STAG2: variants seen among roughly 807,000 people sequenced by gnomAD.
STAG2 encodes the protein STAG2 cohesin complex component, also known as cohesin subunit SA-2.
STAG2 carries 14 observed loss-of-function variants against 108.1 expected under a neutral mutation model. That is an observed-to-expected ratio of 0.13 (90% CI 0.09 to 0.20). STAG2 has a LOEUF of 0.20. STAG2 is among the 10% of genes least tolerant of loss of function. The probability of loss-of-function intolerance (pLI) is 1.00; values close to 1 mark genes in which losing one functional copy is unlikely to be tolerated. For synonymous variants in STAG2, 307 were observed against 302.7 expected (o/e 1.01, Z -0.15); for missense variants, 440 against 940.9 (o/e 0.47, Z 6.96).
chrX:124,096,896 G>A (rs1365838823), intron 34 of STAG2, among the ~76,000 whole-genome samples: 1 of 112,211 alleles, frequency 8.9e-6, no homozygotes, highest in Non-Finnish European at 1.9e-5. Context: ...TAAGGCCAAG[G>A]GGCCGGGCTC....
At chrX:123,972,113 C>CT (rs1470281992) in intron 1 of STAG2, among the ~76,000 whole-genome samples, 4 of 109,163 alleles carry the variant, frequency 3.7e-5, no homozygotes, top group Admixed American at 2.0e-4. Flanking sequence ...AAACTAAGAT[C>CT]TTTTTTTTTC....
In STAG2 at chrX:123,996,865, A is replaced by G. The variant is rs745865186; in HGVS notation, c.-162-24502A>G. ...AATAAAGCTGCCTAGAAGTTTTGATAGTTTTAGGTTTTTACATTTGAGTCT... is the reference window on the plus strand; with the variant it reads ...AATAAAGCTGCCTAGAAGTTTTGATGGTTTTAGGTTTTTACATTTGAGTCT... On this transcript the variant is annotated intron_variant, in intron 1 of 34. Transcript: ENST00000371145. 5.6e-4 allele frequency among the ~76,000 whole-genome samples: 63 copies of G among 112,492 alleles called. 1 individual carries two copies. The highest frequency in any genetic ancestry group is 2.0e-3 in the African/African-American group (62 of 31,029).
At chrX:124,087,497 G>C (rs747050685) in intron 30 of STAG2, among the ~76,000 whole-genome samples, 1 of 111,755 alleles carries the variant, frequency 8.9e-6, no homozygotes, top group East Asian at 2.8e-4. Context: ...GAAATCATAC[G>C]GAGGCATCTT....
At chrX:124,012,385 CTGT>C (rs201051927) in intron 1 of STAG2, among the ~76,000 whole-genome samples, 3,141 of 111,885 alleles carry the variant, frequency 0.028, 54 homozygotes, top group Non-Finnish European at 0.041. Context: ...TATGTGTCTC[CTGT>C]TGTTACCACT....
intron 30 of STAG2, among the ~76,000 whole-genome samples, chrX:124,090,181 AAAAAAG>A (rs2059221118): frequency 9.4e-6 from 1 of 106,005 alleles, no homozygotes; most frequent in South Asian, 4.2e-4. Context: ...AAAAAAAAAA[AAAAAAG>A]GTTTAGTCCT....
intron 1 of STAG2, among the ~76,000 whole-genome samples, chrX:124,011,383 C>T (rs1231224839): frequency 9.0e-6 from 1 of 110,960 alleles, no homozygotes; most frequent in Non-Finnish European, 1.9e-5. Context: ...CTTTTCCTGC[C>T]TAATTGCTTT....
intron 26 of STAG2, among the ~76,000 whole-genome samples, chrX:124,077,683 C>T (rs978142466): frequency 4.5e-5 from 5 of 111,782 alleles, no homozygotes; most frequent in African/African-American, 1.6e-4. Context: ...GTTGTTTTGA[C>T]TAAAACTGAC....
chrX:124,009,370 T>A (rs1288349851), intron 1 of STAG2, among the ~76,000 whole-genome samples: 2 of 108,235 alleles, frequency 1.8e-5, no homozygotes, highest in Non-Finnish European at 3.8e-5. Context: ...CCCCTAATGA[T>A]ATCTGGTACC....
chrX:124,004,501 G>T (rs1295524932), intron 1 of STAG2, among the ~76,000 whole-genome samples: 1 of 111,509 alleles, frequency 9.0e-6, no homozygotes, highest in Non-Finnish European at 1.9e-5. Context: ...TGTTTTCTAG[G>T]TTCATCCATG....
intron 27 of STAG2, among the ~76,000 whole-genome samples, chrX:124,080,320 A>G (rs182820456): frequency 2.6e-4 from 29 of 111,148 alleles, no homozygotes; most frequent in African/African-American, 7.9e-4. Flanking sequence ...CTCTGCTTCT[A>G]TGAGTGCAGA....
intron 25 of STAG2, among the ~76,000 whole-genome samples, chrX:124,074,149 A>C (rs947747183): frequency 7.1e-5 from 8 of 112,405 alleles, no homozygotes; most frequent in Non-Finnish European, 1.5e-4. Flanking sequence ...CCTGGGCTCA[A>C]ACAGTACTCT....
intron 5 of STAG2, among the ~76,000 whole-genome samples, chrX:124,035,387 A>G (rs750395977): frequency 8.9e-6 from 1 of 111,861 alleles, no homozygotes; most frequent in East Asian, 2.8e-4. Context: ...TTTTAATGTG[A>G]TGTAGTGGTC....
chrX:124,064,069 T>TA lies in STAG2; in HGVS notation c.2025+19dup. On this transcript the variant is annotated intron_variant, in intron 20 of 34. Transcript: ENST00000371145. ...TGCAAGAGGTATATATTATAACTATTACAAGTATTTTGTCAGTTGAGCCCC... is the reference window on the plus strand; with the variant it reads ...TGCAAGAGGTATATATTATAACTATTAACAAGTATTTTGTCAGTTGAGCCCC... 8.7e-7 allele frequency: 1 copy of TA among 1,152,886 alleles called. No homozygotes were observed. The highest frequency in any genetic ancestry group is 1.2e-6 in the Non-Finnish European group (1 of 850,518).
intron 1 of STAG2, among the ~76,000 whole-genome samples, chrX:124,007,350 C>A (rs1569501011): frequency 1.8e-5 from 2 of 111,436 alleles, no homozygotes; most frequent in African/African-American, 6.5e-5. Context: ...TAAAATTCTT[C>A]CCACTAAGGA....
intron 1 of STAG2, among the ~76,000 whole-genome samples, chrX:123,967,891 T>C (rs930664903): frequency 9.1e-6 from 1 of 110,306 alleles, no homozygotes; most frequent in Non-Finnish European, 1.9e-5. Context: ...CTTATAATCT[T>C]ATGGGACCAC....
chrX:124,096,644 A>G (rs2059385812), intron 34 of STAG2, among the ~76,000 whole-genome samples: 1 of 111,680 alleles, frequency 9.0e-6, no homozygotes, highest in African/African-American at 3.3e-5. Context: ...ATAGATATTT[A>G]GTTTTGTCAA....
intron 15 of STAG2, among the ~76,000 whole-genome samples, chrX:124,060,928 C>T (rs1432452938): frequency 9.3e-6 from 1 of 107,104 alleles, no homozygotes; most frequent in Non-Finnish European, 1.9e-5. Flanking sequence ...TCTCCGCCAC[C>T]CCCCCAAATA....
chrX:124,006,999 CCTT>C (rs2056323775), intron 1 of STAG2, among the ~76,000 whole-genome samples: 1 of 110,419 alleles, frequency 9.1e-6, no homozygotes, highest in African/African-American at 3.3e-5. Context: ...AATTTTCTTT[CCTT>C]CTTTTTTTTA....
chrX:124,065,638 G>A (rs2058504156), intron 20 of STAG2, among the ~76,000 whole-genome samples: 1 of 111,515 alleles, frequency 9.0e-6, no homozygotes, highest in South Asian at 3.7e-4. Context: ...TTACTTAGAA[G>A]AAAAAGAAGA....
Sources: allele counts gnomAD v4.1 joint callset (sites outside exome capture counted in the v4.1 genomes callset), GRCh38; gene constraint gnomAD v4.1.1; transcripts MANE v1.5; gene names NCBI Gene and HGNC (gene_info 2026-07-23, HGNC 2026-07-21).